Variants in DNAJC13 observed in about 807,000 individuals in gnomAD.
DNAJC13 encodes the protein DnaJ heat shock protein family (Hsp40) member C13.
In DNAJC13, 75 loss-of-function variants were observed where a neutral mutation model predicts 290.5. That is an observed-to-expected ratio of 0.26 (90% confidence interval 0.21 to 0.31). The LOEUF is 0.31. DNAJC13 is among the 10% of genes least tolerant of loss of function. The pLI is 1.00. For missense variants in DNAJC13, 2,260 were observed against 2,674.5 expected (o/e 0.85, Z 3.42); for synonymous variants, 862 against 892.0 (o/e 0.97, Z 0.60).
intron 2 of DNAJC13, among the ~76,000 whole-genome samples, chr3:132,437,623 G>A (rs1039936373): frequency 3.3e-5 from 5 of 152,148 alleles, no homozygotes; most frequent in African/African-American, 1.2e-4. Context: ...AGTTTACCAT[G>A]ACTGTTTAGT....
At chr3:132,466,608 A>C (rs1933998361) in intron 19 of DNAJC13, among the ~76,000 whole-genome samples, 1 of 152,230 alleles carries the variant, frequency 6.6e-6, no homozygotes, top group African/African-American at 2.4e-5. Flanking sequence ...GTATATTTAC[A>C]GAGTTGTGCA....
intron 53 of DNAJC13, among the ~76,000 whole-genome samples, chr3:132,527,317 C>A (rs1297581311): frequency 6.6e-6 from 1 of 152,198 alleles, no homozygotes; most frequent in Non-Finnish European, 1.5e-5. Context: ...TAAGTGACAT[C>A]TGGTATCCTT....
intron 39 of DNAJC13, 69 bp downstream of exon 39, chr3:132,500,982 T>C: frequency 6.4e-7 from 1 of 1,555,860 alleles, no homozygotes; most frequent in South Asian, 1.2e-5. Context: ...AGCCAGTTCC[T>C]AATGTATAAG....
intron 1 of DNAJC13, among the ~76,000 whole-genome samples, chr3:132,421,631 A>G (rs914762986): frequency 8.6e-5 from 13 of 151,208 alleles, no homozygotes; most frequent in African/African-American, 3.2e-4. Context: ...TAGGAGACAG[A>G]GTTTCACCAT....
In DNAJC13 at chr3:132,487,125, A is replaced by G. The variant is rs1047163927; in HGVS notation, c.3268-1173A>G. ...CTAAATTCCTTGTGGAATAGATAAG[A>G]CACCAAAGCATAGAGAAATTTAAGT... On this transcript the variant is annotated intron_variant, in intron 29 of 55. Transcript: ENST00000260818. Among the ~76,000 whole-genome samples the G allele has an allele frequency of 3.9e-5, 6 of 152,322 alleles. No individual in the cohort carries two copies. In the East Asian group the frequency reaches 1.2e-3, roughly 29 times the overall value.
intron 54 of DNAJC13, 42 bp downstream of exon 54, chr3:132,528,374 G>C: frequency 6.2e-7 from 1 of 1,610,362 alleles, no homozygotes; most frequent in Non-Finnish European, 8.5e-7. Context: ...CTAAAAGCCA[G>C]GGTCTTGGCC....
At chr3:132,450,485 T>C (rs1170983321) in intron 5 of DNAJC13, among the ~76,000 whole-genome samples, 162 bp from the exon 6 acceptor site, 1 of 152,292 alleles carries the variant, frequency 6.6e-6, no homozygotes, top group East Asian at 1.9e-4. Flanking sequence ...CACCTCCAAA[T>C]AGTTAAAATT....
chr3:132,488,593 TG>T, intron 30 of DNAJC13, 141 bp downstream of exon 30: 1 of 870,762 alleles, frequency 1.1e-6, no homozygotes, highest in Non-Finnish European at 1.7e-6. Context: ...TCTAAAGAGT[TG>T]GAAAGCAGAA....
chr3:132,441,090 A>G (rs976173913), intron 2 of DNAJC13, among the ~76,000 whole-genome samples: 2 of 152,222 alleles, frequency 1.3e-5, no homozygotes, highest in African/African-American at 4.8e-5. Context: ...TGAGTATCCT[A>G]AAGGCTTCAA....
chr3:132,466,008 C>T lies in DNAJC13; in HGVS notation c.1906C>T (p.His636Tyr), dbSNP rs1165754255. ...RMLTNRQLSR[H>Y]LVGLWTADNA... is the part of the protein sequence containing the mutation. Reference sequence around the variant, plus strand: ...TGCTTTTTTCAGACAGCTAAGTAGACATTTAGTGGGACTCTGGACAGCTGA... The same window carrying T: ...TGCTTTTTTCAGACAGCTAAGTAGATATTTAGTGGGACTCTGGACAGCTGA... The change falls in exon 18 of 56, where the codon CAT becomes TAT. Residue 636 changes from histidine to tyrosine, a missense_variant. This residue lies in a region of DNAJC13 where 762 missense variants were observed against 964.1 expected (regional missense o/e 0.79). Coordinates refer to ENST00000260818, the MANE Select transcript of DNAJC13 (RefSeq NM_015268.4). 6 of 1,613,560 alleles carry T rather than the reference C, an allele frequency of 3.7e-6. No homozygotes were observed. Among genetic ancestry groups the T allele is most frequent in the Non-Finnish European group, 4.2e-6 (5 of 1,179,694 alleles).
intron 13 of DNAJC13, among the ~76,000 whole-genome samples, chr3:132,458,643 A>AT (rs1394273137): frequency 6.6e-6 from 1 of 152,118 alleles, no homozygotes; most frequent in Non-Finnish European, 1.5e-5. Flanking sequence ...CAATGTATAT[A>AT]TTTTTTAATA....
At chr3:132,529,053 G>A (rs907215882) in intron 54 of DNAJC13, among the ~76,000 whole-genome samples, 1 of 151,998 alleles carries the variant, frequency 6.6e-6, no homozygotes, top group Non-Finnish European at 1.5e-5. Context: ...AAACACCACC[G>A]TATCTAGTTC....
At chr3:132,467,068 C>A in intron 19 of DNAJC13, 102 bp from the exon 20 acceptor site, 1 of 1,264,924 alleles carries the variant, frequency 7.9e-7, no homozygotes, top group South Asian at 2.0e-5. Flanking sequence ...CCATAACATC[C>A]AGCATTAACC....
At chr3:132,426,771 ATTAAAT>A (rs1422228543) in intron 1 of DNAJC13, among the ~76,000 whole-genome samples, 1 of 152,112 alleles carries the variant, frequency 6.6e-6, no homozygotes, top group African/African-American at 2.4e-5. Context: ...TTGACTGCAG[ATTAAAT>A]TTATTTTGTG....
rs778404040 is a variant in DNAJC13 at position 132,496,612 on chromosome 3, A to G, written c.4105A>G (p.Ile1369Val). Reference protein sequence around the residue: ...KIVDGPDPENIILILKTQSIL... With the variant: ...KIVDGPDPENVILILKTQSIL... ...AGTGGATGGGCCAGATCCAGAGAATATAATTTTAATTCTAAAAACACAGAG... is the reference window on the plus strand; with the variant it reads ...AGTGGATGGGCCAGATCCAGAGAATGTAATTTTAATTCTAAAAACACAGAG... Residue 1369 changes from isoleucine to valine, a missense_variant, in exon 36 of 56, where the codon ATA becomes GTA. Ile to Val is a conservative substitution (Grantham distance 29). Coordinates refer to ENST00000260818, the MANE Select transcript of DNAJC13 (RefSeq NM_015268.4). The G allele has an allele frequency of 2.5e-6, 4 of 1,611,384 alleles. No individual in the cohort carries two copies. Among genetic ancestry groups the G allele is most frequent in the Non-Finnish European group, 3.4e-6 (4 of 1,178,776 alleles).
intron 30 of DNAJC13, 73 bp from the exon 31 acceptor site, chr3:132,488,903 G>A: frequency 1.8e-6 from 2 of 1,133,338 alleles, no homozygotes; most frequent in Admixed American, 3.9e-5. Context: ...AAAAGATCTA[G>A]TCTTTAGAAA....
chr3:132,470,073 A>AG (rs1175596994), intron 20 of DNAJC13, among the ~76,000 whole-genome samples: 17 of 107,440 alleles, frequency 1.6e-4, no homozygotes, highest in African/African-American at 6.1e-4. Context: ...AGTGGAGGGA[A>AG]GGTCAGCAGA....
intron 55 of DNAJC13, 27 bp from the exon 56 acceptor site, chr3:132,538,149 G>T: frequency 6.3e-7 from 1 of 1,586,768 alleles, no homozygotes; most frequent in Non-Finnish European, 8.6e-7. Context: ...CTTTCTAGAG[G>T]TGTGTGTTTA....
chr3:132,472,322 G>A (rs74426288), intron 20 of DNAJC13, among the ~76,000 whole-genome samples: 26 of 152,318 alleles, frequency 1.7e-4, no homozygotes, highest in Non-Finnish European at 2.6e-4. Context: ...TCTTCCAGTT[G>A]CAGCCTTAAG....
Sources: gnomAD v4.1 joint callset for allele counts (sites outside exome capture counted in the v4.1 genomes callset) on GRCh38, gnomAD v4.1.1 for gene constraint, gnomAD v4.1.1 regional missense constraint, MANE v1.5 for transcripts, NCBI Gene and HGNC (gene_info 2026-07-23, HGNC 2026-07-21) for gene names.